Variants in SORCS2 observed in about 807,000 individuals in gnomAD.
The protein encoded by SORCS2 is sortilin related VPS10 domain containing receptor 2, also known as VPS10 domain-containing receptor SorCS2.
A neutral mutation model predicts 141.6 loss-of-function variants in SORCS2; 100 were observed. The observed-to-expected ratio is 0.71, with a 90% CI of 0.60 to 0.83. The LOEUF (loss-of-function observed/expected upper bound fraction) is 0.83. Among genes scored for constraint, SORCS2 ranks in the 40% least tolerant of loss-of-function variants. SORCS2 has a pLI of 0.00. For missense variants in SORCS2, 1,646 were observed against 1,560.2 expected (o/e 1.05, Z -0.93); for synonymous variants, 789 against 676.9 (o/e 1.17, Z -2.57).
intron 3 of SORCS2, among the ~76,000 whole-genome samples, chr4:7,558,714 C>T (rs908321844): frequency 6.6e-6 from 1 of 152,222 alleles, no homozygotes; most frequent in Non-Finnish European, 1.5e-5. Flanking sequence ...TGCAAGTTCA[C>T]CTGGTGCCTA....
intron 1 of SORCS2, among the ~76,000 whole-genome samples, chr4:7,305,922 G>A (rs1717794089): frequency 6.6e-6 from 1 of 152,222 alleles, no homozygotes; most frequent in Non-Finnish European, 1.5e-5. Flanking sequence ...AAACACGGAG[G>A]GGTGAGGCTG....
At chr4:7,198,149 G>C (rs1285836366) in intron 1 of SORCS2, among the ~76,000 whole-genome samples, 2 of 152,198 alleles carry the variant, frequency 1.3e-5, no homozygotes, top group Non-Finnish European at 2.9e-5. Flanking sequence ...TGTGGAGGGG[G>C]CTGAGGGAGA....
At chr4:7,577,943 C>T (rs1042232923) in intron 3 of SORCS2, among the ~76,000 whole-genome samples, 1 of 147,376 alleles carries the variant, frequency 6.8e-6, no homozygotes, top group Non-Finnish European at 1.5e-5. Context: ...TTGGAGAAGT[C>T]ATATAGCATA....
chr4:7,614,981 C>A (rs538258769), intron 3 of SORCS2, among the ~76,000 whole-genome samples: 1 of 152,072 alleles, frequency 6.6e-6, no homozygotes, highest in African/African-American at 2.4e-5. Context: ...GACTAGCTCT[C>A]GAGCCAGTGC....
At position 7,682,781 on chromosome 4, in the gene SORCS2, A is replaced by C. The variant is rs886715888; in HGVS notation, c.1380A>C (p.Lys460Asn). The change falls in exon 10 of 27, where the codon AAA (lysine) becomes AAC (asparagine). Residue 460 changes from lysine (K) to asparagine (N), a missense_variant. Lys to Asn is a moderately conservative substitution (Grantham distance 94). Coordinates refer to ENST00000507866, the MANE Select transcript of SORCS2 (RefSeq NM_020777.3). The stretch of plus-strand genomic sequence containing the variant: ...AAGGAGTCTTCCTGGCAAACCAAAA[A>C]ATTGATGGGAAAGTGATGACGCTTA... The part of the protein sequence containing the change: ...GVKGVFLANQ[K>N]IDGKVMTLIT... 7 of 1,612,466 alleles carry C rather than the reference A, an allele frequency of 4.3e-6. No homozygotes were observed. Among genetic ancestry groups the C allele is most frequent in the Non-Finnish European group, 5.9e-6 (7 of 1,179,246 alleles).
intron 1 of SORCS2, among the ~76,000 whole-genome samples, chr4:7,326,491 A>T (rs1719268368): frequency 6.6e-6 from 1 of 152,072 alleles, no homozygotes; most frequent in Non-Finnish European, 1.5e-5. Context: ...AGCGTGAAGC[A>T]TGGGGCTGCC....
At chr4:7,575,613 A>C (rs1417297311) in intron 3 of SORCS2, among the ~76,000 whole-genome samples, 1 of 152,226 alleles carries the variant, frequency 6.6e-6, no homozygotes, top group Non-Finnish European at 1.5e-5. Context: ...TTTTAAAATT[A>C]AATTTAAATT....
intron 3 of SORCS2, among the ~76,000 whole-genome samples, chr4:7,542,654 T>C (rs73075279): frequency 8.5e-5 from 13 of 152,312 alleles, no homozygotes; most frequent in African/African-American, 2.4e-4. Context: ...AGGACACATT[T>C]CCACTGTTTG....
intron 3 of SORCS2, among the ~76,000 whole-genome samples, chr4:7,549,159 C>A (rs1713493763): frequency 6.6e-6 from 1 of 152,108 alleles, no homozygotes; most frequent in Non-Finnish European, 1.5e-5. Context: ...ACAGAGGAGC[C>A]CAGCAAGCGA....
intron 2 of SORCS2, among the ~76,000 whole-genome samples, chr4:7,489,697 C>G (rs1217953598): frequency 2.0e-5 from 3 of 152,126 alleles, no homozygotes; most frequent in Non-Finnish European, 2.9e-5. Context: ...AAAATAATCG[C>G]ACATAATTTA....
intron 1 of SORCS2, among the ~76,000 whole-genome samples, chr4:7,252,429 A>G (rs972926547): frequency 1.3e-5 from 2 of 152,230 alleles, no homozygotes; most frequent in African/African-American, 4.8e-5. Context: ...GCTGGCCAGG[A>G]GGGTGGTCCG....
At chr4:7,572,238 C>G (rs371558104) in intron 3 of SORCS2, among the ~76,000 whole-genome samples, 8 of 152,304 alleles carry the variant, frequency 5.3e-5, no homozygotes, top group Admixed American at 2.0e-4. Flanking sequence ...TTTTCAGTCA[C>G]TTTCCCCATT....
intron 9 of SORCS2, among the ~76,000 whole-genome samples, chr4:7,682,300 C>G (rs1257387581): frequency 6.6e-6 from 1 of 152,096 alleles, no homozygotes; most frequent in African/African-American, 2.4e-5. Context: ...TCCGCAGAGG[C>G]AAGCCCAGAG....
intron 3 of SORCS2, among the ~76,000 whole-genome samples, chr4:7,552,571 G>T (rs1713794498): frequency 6.6e-6 from 1 of 152,238 alleles, no homozygotes; most frequent in Non-Finnish European, 1.5e-5. Context: ...CAGCAGCTGA[G>T]GCCTCCCACT....
intron 2 of SORCS2, among the ~76,000 whole-genome samples, chr4:7,436,998 T>A (rs1435810296): frequency 6.6e-6 from 1 of 152,200 alleles, no homozygotes; most frequent in African/African-American, 2.4e-5. Context: ...GATTGCTCCA[T>A]GTCTGTTTTG....
intron 1 of SORCS2, among the ~76,000 whole-genome samples, chr4:7,277,369 C>T (rs1264632840): frequency 6.6e-6 from 1 of 152,208 alleles, no homozygotes; most frequent in Non-Finnish European, 1.5e-5. Flanking sequence ...GTGTGCCCCA[C>T]ACAGCAGCAG....
Position 7,528,843 on chromosome 4 carries a change from T to C in SORCS2, c.549-2687T>C, listed in dbSNP as rs62280210. On this transcript the variant is annotated intron_variant, in intron 2 of 26. Transcript: ENST00000507866. ...GTCCTGGAGGTCAGAAATCTGAGAG[T>C]GTTTTTTTCAGAGGCTCTGAGGGAG... Among the ~76,000 whole-genome samples, 1,100 of 151,982 alleles carry C rather than the reference T, an allele frequency of 7.2e-3. 6 individuals carry two copies. Among genetic ancestry groups the C allele is most frequent in the Non-Finnish European group, 0.012 (786 of 67,952 alleles).
In SORCS2 at chr4:7,661,504, G is replaced by T; in HGVS notation, c.892G>T (p.Val298Leu). ...RVTKDHVFWS[V>L]SGVDADPDLV... ...GCCTCAGCTCTTCTTTTCCAGGTCT[G>T]TGTCTGGGGTGGACGCTGACCCTGA... The change falls in exon 6 of 27, where the codon GTG becomes TTG. Residue 298 changes from valine to leucine, a missense_variant. Physicochemically the swap from Val to Leu is conservative, Grantham distance 32 (BLOSUM62 1). Coordinates refer to ENST00000507866, the MANE Select transcript of SORCS2 (RefSeq NM_020777.3). 6.4e-7 allele frequency: 1 copy of T among 1,551,674 alleles called. No homozygotes were observed. The highest frequency in any genetic ancestry group is 1.2e-5 in the South Asian group (1 of 84,044).
intron 17 of SORCS2, 96 bp downstream of exon 17, chr4:7,715,407 C>T (rs1473076935): frequency 7.1e-6 from 11 of 1,539,164 alleles, no homozygotes; most frequent in East Asian, 4.6e-5. Flanking sequence ...CCTGCAGCTC[C>T]CAACTCCCAA....
Sources: gnomAD v4.1 joint callset for allele counts (sites outside exome capture counted in the v4.1 genomes callset) on GRCh38, gnomAD v4.1.1 for gene constraint, MANE v1.5 for transcripts, NCBI Gene and HGNC (gene_info 2026-07-23, HGNC 2026-07-21) for gene names.